Variants in ARAP2 observed in about 807,000 individuals in gnomAD.
ARAP2 encodes arf-GAP with Rho-GAP domain, ANK repeat and PH domain-containing protein 2.
ARAP2 carries 148 observed loss-of-function variants against 194.5 expected under a neutral mutation model. The ratio of observed to expected loss-of-function variants is 0.76; its 90% CI spans 0.67 to 0.87. The LOEUF (loss-of-function observed/expected upper bound fraction) is 0.87, where lower values mean the gene tolerates loss of function less well. Ranked by LOEUF, ARAP2 falls within the 40% of genes least tolerant of loss-of-function variation. ARAP2 has a pLI of 0.00. For missense variants in ARAP2, 2,128 were observed against 1,989.7 expected (o/e 1.07, Z -1.32); for synonymous variants, 695 against 683.5 (o/e 1.02, Z -0.26).
chr4:36,010,250 T>A (rs1714214613), intron 9 of ARAP2, among the ~76,000 whole-genome samples: 1 of 151,422 alleles, frequency 6.6e-6, no homozygotes, highest in Non-Finnish European at 1.5e-5. Flanking sequence ...TAGGTGAGCA[T>A]TTTTAGAAAA....
chr4:36,030,519 T>G (rs1028360118), intron 5 of ARAP2, among the ~76,000 whole-genome samples: 1 of 152,100 alleles, frequency 6.6e-6, no homozygotes, highest in African/African-American at 2.4e-5. Context: ...TTTGTTTTTC[T>G]TCTTCATGTA....
Position 36,052,534 on chromosome 4 carries a change from AGAAT to A in ARAP2, n.322-485_322-482del, listed in dbSNP as rs754768396. Among the ~76,000 whole-genome samples, 9 of 152,382 alleles carry A rather than the reference AGAAT, an allele frequency of 5.9e-5. 2 individuals carry two copies. Among genetic ancestry groups the A allele is most frequent in the Admixed American group, 1.3e-4 (2 of 15,310 alleles). On this transcript the variant is annotated intron_variant and non_coding_transcript_variant, in intron 2 of 12. Transcript: ENST00000503225. ...TTTTATTGACATAAAAATTGCTAAG[AGAAT>A]GAATAAATTATATGCACTTCTAATG... is the stretch of plus-strand genomic sequence containing the variant.
intron 2 of ARAP2, among the ~76,000 whole-genome samples, chr4:36,054,757 T>G (rs897667908): frequency 1.3e-5 from 2 of 152,188 alleles, no homozygotes; most frequent in African/African-American, 4.8e-5. Flanking sequence ...TAAGCTTTTA[T>G]CACAATCTGG....
intron 15 of ARAP2, among the ~76,000 whole-genome samples, chr4:36,156,391 GAAAGAAAGAAAGAA>G (rs1163782285): frequency 1.1e-5 from 1 of 95,182 alleles, no homozygotes; most frequent in African/African-American, 4.2e-5. Flanking sequence ...GAGAGAGAGA[GAAAGAAAGAAAGAA>G]AGAAAGAAAG....
chr4:36,126,224 C>T (rs1005326624), intron 21 of ARAP2, among the ~76,000 whole-genome samples: 2 of 151,986 alleles, frequency 1.3e-5, no homozygotes, highest in African/African-American at 4.8e-5. Context: ...ATAATGCAAA[C>T]ATTTATCCTC....
chr4:36,233,740 T>A (rs1378225060), intron 1 of ARAP2, among the ~76,000 whole-genome samples: 1 of 152,210 alleles, frequency 6.6e-6, no homozygotes, highest in Non-Finnish European at 1.5e-5. Context: ...TCGCACATAG[T>A]GCCTAGCACG....
intron 1 of ARAP2, chr4:36,058,190 G>C (rs1238729768): frequency 6.6e-6 from 1 of 152,166 alleles, no homozygotes; most frequent in South Asian, 2.1e-4. Context: ...TTAGTATCAT[G>C]AGACTACAAA....
intron 26 of ARAP2, 125 bp from the exon 27 acceptor site, chr4:36,107,818 CTTAT>C: frequency 1.3e-6 from 1 of 797,966 alleles, no homozygotes; most frequent in Non-Finnish European, 1.9e-6. Flanking sequence ...ACAATCATAT[CTTAT>C]GTTATATTAT....
chr4:36,189,386 A>T (rs183507416), intron 7 of ARAP2, among the ~76,000 whole-genome samples: 17 of 152,262 alleles, frequency 1.1e-4, no homozygotes, highest in African/African-American at 4.1e-4. Flanking sequence ...CATCATCTCA[A>T]TTATTCATCA....
chr4:36,012,415 TTTAC>T (rs1714735527), intron 9 of ARAP2: 1 of 152,246 alleles, frequency 6.6e-6, no homozygotes, highest in African/African-American at 2.4e-5. Flanking sequence ...ATTTTTCAAC[TTTAC>T]TTAGTGTTGA....
chr4:36,176,624 G>A (rs1737980924), intron 9 of ARAP2, among the ~76,000 whole-genome samples: 1 of 152,068 alleles, frequency 6.6e-6, no homozygotes, highest in Non-Finnish European at 1.5e-5. Context: ...AAGAAAAGTT[G>A]TAATCATCTT....
chr4:36,214,611 G>T, intron 2 of ARAP2, 131 bp from the exon 3 acceptor site: 1 of 496,348 alleles, frequency 2.0e-6, no homozygotes, highest in Non-Finnish European at 3.2e-6. Context: ...TTATTAGAGA[G>T]CTATACATTC....
chr4:36,233,712 T>C (rs960194746), intron 1 of ARAP2, among the ~76,000 whole-genome samples: 3 of 152,252 alleles, frequency 2.0e-5, no homozygotes, highest in African/African-American at 7.2e-5. Context: ...TTAAATGAGA[T>C]AATCCATCAT....
At chr4:36,161,814 A>G (rs1308239192) in intron 11 of ARAP2, among the ~76,000 whole-genome samples, 1 of 76,590 alleles carries the variant, frequency 1.3e-5, no homozygotes, top group Non-Finnish European at 2.7e-5. Flanking sequence ...AAAAAAAAAA[A>G]AAAAAACTAC....
At chr4:36,012,326 A>G (rs960849067) in intron 9 of ARAP2, among the ~76,000 whole-genome samples, 2 of 152,148 alleles carry the variant, frequency 1.3e-5, no homozygotes, top group African/African-American at 4.8e-5. Context: ...AAAACATGCC[A>G]TTTCTTCCTT....
intron 10 of ARAP2, among the ~76,000 whole-genome samples, chr4:36,165,813 T>A (rs184421661): frequency 1.0e-3 from 153 of 152,282 alleles, no homozygotes; most frequent in South Asian, 2.3e-3. Context: ...TGTGCTACAG[T>A]GCTACATACT....
chr4:36,072,573 C>T (rs1047604541), intron 32 of ARAP2, among the ~76,000 whole-genome samples: 5 of 151,348 alleles, frequency 3.3e-5, no homozygotes, highest in Admixed American at 3.3e-4. Flanking sequence ...CCTGTGTTCC[C>T]TGTCCTGGGT....
chr4:36,148,287 G>A (rs1311811808), intron 17 of ARAP2, 118 bp downstream of exon 17: 65 of 691,426 alleles, frequency 9.4e-5, no homozygotes, highest in Non-Finnish European at 1.4e-4. Context: ...ATCTAATGAA[G>A]TATGAACTTT....
At chr4:36,110,654 T>A (rs907424043) in intron 26 of ARAP2, among the ~76,000 whole-genome samples, 1 of 151,920 alleles carries the variant, frequency 6.6e-6, no homozygotes, top group Admixed American at 6.6e-5. Context: ...TAATATAAAA[T>A]GAAAACATCA....
Sources: allele counts gnomAD v4.1 joint callset (sites outside exome capture counted in the v4.1 genomes callset), GRCh38; gene constraint gnomAD v4.1.1; transcripts MANE v1.5; gene names NCBI Gene and HGNC (gene_info 2026-07-23, HGNC 2026-07-21).